SLC24A5: variants seen among roughly 807,000 people sequenced by gnomAD.
The protein encoded by SLC24A5 is sodium/potassium/calcium exchanger 5.
A neutral mutation model predicts 51.6 loss-of-function variants in SLC24A5; 46 were observed. That is an observed-to-expected ratio of 0.89 (90% CI 0.70 to 1.14). The LOEUF (loss-of-function observed/expected upper bound fraction) is 1.14. SLC24A5 is among the 50% of genes most tolerant of loss of function. The pLI is 0.00. For missense variants in SLC24A5, 581 were observed against 604.1 expected (o/e 0.96, Z 0.40); for synonymous variants, 230 against 214.9 (o/e 1.07, Z -0.62).
intron 6 of SLC24A5, 73 bp downstream of exon 6, chr15:48,137,036 C>T: frequency 1.4e-6 from 2 of 1,458,794 alleles, no homozygotes; most frequent in Non-Finnish European, 1.8e-6. Context: ...TTCAATTCAG[C>T]AAGTATTGTG....
intron 5 of SLC24A5, chr15:48,136,078 G>C (rs1194649684): frequency 1.3e-5 from 2 of 152,110 alleles, no homozygotes; most frequent in Non-Finnish European, 2.9e-5. Context: ...TTGGTTCCAA[G>C]GGTATAATTT....
At chr15:48,131,145 A>AG (rs1399545454) in intron 2 of SLC24A5, among the ~76,000 whole-genome samples, 1 of 152,186 alleles carries the variant, frequency 6.6e-6, no homozygotes, top group Non-Finnish European at 1.5e-5. Flanking sequence ...AGTTAATTAC[A>AG]GAGCCATCTC....
At chr15:48,134,605 C>G (rs1488702645) in intron 4 of SLC24A5, 67 bp downstream of exon 4, 15 of 1,247,042 alleles carry the variant, frequency 1.2e-5, no homozygotes, top group Admixed American at 8.9e-5. Flanking sequence ...TGTTCGTCGT[C>G]TGGGATGGAC....
intron 6 of SLC24A5, chr15:48,137,709 C>T (rs1245117594): frequency 6.6e-6 from 1 of 152,018 alleles, no homozygotes; most frequent in Non-Finnish European, 1.5e-5. Context: ...GGAACAAAGA[C>T]ACCTCCTATG....
In SLC24A5 at chr15:48,141,211, A is replaced by G; in HGVS notation, c.1177A>G (p.Lys393Glu). ...DTIASVLVAR[K>E]GKGDMAMSNI... ...AATTGCAAGTGTGTTGGTTGCAAGAAAAGGTAAGAACTAGGTCCCTCAAGC... is the reference window on the plus strand; with the variant it reads ...AATTGCAAGTGTGTTGGTTGCAAGAGAAGGTAAGAACTAGGTCCCTCAAGC... Residue 393 changes from lysine to glutamate, a missense_variant, in exon 8 of 9, where the codon AAA becomes GAA. Lys to Glu is a moderately conservative substitution (Grantham distance 56). Transcript: ENST00000341459. The G allele has an allele frequency of 6.2e-7, 1 of 1,611,080 alleles. No individual in the cohort carries two copies. Among genetic ancestry groups the G allele is most frequent in the Non-Finnish European group, 8.5e-7 (1 of 1,177,306 alleles).
rs2038674832 is a variant in SLC24A5 at position 48,121,114 on chromosome 15, C to T, written c.70C>T (p.His24Tyr). Reference protein sequence around the residue: ...LLLGILWATAHLPLSGTSLPQ... With the variant: ...LLLGILWATAYLPLSGTSLPQ... The stretch of plus-strand genomic sequence containing the variant: ...GCTCGGCATCCTGTGGGCCACTGCA[C>T]ATCTGCCTCTCTCAGGGACCTCCCT... Residue 24 changes from histidine (H) to tyrosine (Y), a missense_variant, in exon 1 of 9, where the codon CAT (histidine) becomes TAT (tyrosine). Transcript: ENST00000341459. The T allele has an allele frequency of 1.2e-6, 2 of 1,613,926 alleles. No homozygotes were observed. Among genetic ancestry groups the T allele is most frequent in the Non-Finnish European group, 8.5e-7 (1 of 1,179,906 alleles).
chr15:48,132,978 A>G (rs1172884238), intron 2 of SLC24A5, among the ~76,000 whole-genome samples: 2 of 152,112 alleles, frequency 1.3e-5, no homozygotes, highest in Non-Finnish European at 2.9e-5. Flanking sequence ...AATCTGCCAC[A>G]CCAAGAAACA....
chr15:48,129,632 G>A (rs1390496818), intron 2 of SLC24A5, among the ~76,000 whole-genome samples: 1 of 152,034 alleles, frequency 6.6e-6, no homozygotes, highest in African/African-American at 2.4e-5. Context: ...ACATTGAAAT[G>A]ACAGGAGTGG....
At chr15:48,139,417 A>G (rs2140756330) in intron 7 of SLC24A5, 1 of 328,820 alleles carries the variant, frequency 3.0e-6, no homozygotes, top group Non-Finnish European at 5.6e-6. Flanking sequence ...AAGAGATCTT[A>G]TAAATGAAAT....
intron 1 of SLC24A5, 146 bp downstream of exon 1, chr15:48,121,311 A>C: frequency 1.2e-6 from 1 of 869,438 alleles, no homozygotes; most frequent in Non-Finnish European, 1.7e-6. Flanking sequence ...AAAGATATCA[A>C]ACACTTTTGA....
At chr15:48,135,372 AAGGATGGTAG>A (rs1457689003) in intron 5 of SLC24A5, 5 of 157,568 alleles carry the variant, frequency 3.2e-5, no homozygotes, top group African/African-American at 7.2e-5. Flanking sequence ...AAGACTGGAG[AAGGATGGTAG>A]AGGAAGTAAA....
At chr15:48,132,139 G>T (rs1314714534) in intron 2 of SLC24A5, among the ~76,000 whole-genome samples, 2 of 152,052 alleles carry the variant, frequency 1.3e-5, no homozygotes, top group African/African-American at 2.4e-5. Flanking sequence ...TTCTAGACAT[G>T]CAGGTCTTCT....
chr15:48,124,628 T>C (rs986458381), intron 2 of SLC24A5: 1 of 152,186 alleles, frequency 6.6e-6, no homozygotes, highest in Non-Finnish European at 1.5e-5. Flanking sequence ...AAAACCTTTC[T>C]AGCCCTGTAG....
At chr15:48,121,813 G>T (rs775816359) in intron 1 of SLC24A5, 44 bp from the exon 2 acceptor site, 1 of 1,591,954 alleles carries the variant, frequency 6.3e-7, no homozygotes, top group Non-Finnish European at 8.6e-7. Context: ...CTTGGAATGT[G>T]TGACTCCAAA....
At chr15:48,121,747 A>C in intron 1 of SLC24A5, 110 bp from the exon 2 acceptor site, 1 of 1,179,992 alleles carries the variant, frequency 8.5e-7, no homozygotes. Flanking sequence ...GTGGGTCCTT[A>C]AAATTCCACC....
intron 2 of SLC24A5, among the ~76,000 whole-genome samples, chr15:48,130,040 C>T (rs1308928564): frequency 6.6e-6 from 1 of 152,034 alleles, no homozygotes; most frequent in Non-Finnish European, 1.5e-5. Flanking sequence ...GAAAAAAACA[C>T]ATTTAAGAAA....
At chr15:48,138,079 T>C (rs1321966160) in intron 6 of SLC24A5, 2 of 152,170 alleles carry the variant, frequency 1.3e-5, no homozygotes, top group East Asian at 3.9e-4. Context: ...CCTCTCCAAA[T>C]TAAGTTTATA....
intron 4 of SLC24A5, 126 bp from the exon 5 acceptor site, chr15:48,134,758 T>C: frequency 1.2e-6 from 1 of 831,672 alleles, no homozygotes; most frequent in Non-Finnish European, 1.8e-6. Context: ...TACATTTTTT[T>C]CTCTAAGCAA....
Position 48,121,989 on chromosome 15 carries a change from T to C in SLC24A5, c.254T>C (p.Ile85Thr), listed in dbSNP as rs2038683826. 6.2e-7 allele frequency: 1 copy of C among 1,614,092 alleles called. No homozygotes were observed. The highest frequency in any genetic ancestry group is 8.5e-7 in the Non-Finnish European group (1 of 1,180,024). The change falls in exon 2 of 9, where the codon ATT (isoleucine) becomes ACT (threonine). Residue 85 changes from isoleucine (I) to threonine (T), a missense_variant. Physicochemically the swap from Ile to Thr is moderately conservative, Grantham distance 89 (BLOSUM62 -1). Coordinates refer to ENST00000341459, the MANE Select transcript of SLC24A5 (RefSeq NM_205850.3). ...GTTTACATGTTCATGGCCATATCTATTGTCTGTGATGAATACTTCCTACCC... is the reference window on the plus strand; with the variant it reads ...GTTTACATGTTCATGGCCATATCTACTGTCTGTGATGAATACTTCCTACCC... The part of the protein sequence containing the change: ...IIVYMFMAIS[I>T]VCDEYFLPSL...
Sources: allele counts gnomAD v4.1 joint callset (sites outside exome capture counted in the v4.1 genomes callset), GRCh38; gene constraint gnomAD v4.1.1; transcripts MANE v1.5; gene names NCBI Gene and HGNC (gene_info 2026-07-23, HGNC 2026-07-21).